CADPS: variants seen among roughly 807,000 people sequenced by gnomAD.
CADPS encodes the protein calcium-dependent secretion activator 1.
CADPS carries 57 observed loss-of-function variants against 167.3 expected under a neutral mutation model. That is an observed-to-expected ratio of 0.34 (90% confidence interval 0.28 to 0.42). CADPS has a LOEUF of 0.42. CADPS is among the 20% of genes least tolerant of loss of function. The pLI is 1.00. For synonymous variants in CADPS, 676 were observed against 635.3 expected, an observed-to-expected ratio of 1.06 and a Z score of -0.96; for missense variants, 1,414 against 1,738.1, an observed-to-expected ratio of 0.81 and a Z score of 3.32.
intron 1 of CADPS, among the ~76,000 whole-genome samples, chr3:62,804,368 G>A (rs2093958718): frequency 6.6e-6 from 1 of 152,132 alleles, no homozygotes; most frequent in Admixed American, 6.6e-5. Context: ...TTTCTCAAGA[G>A]GAAAGGCCAC....
Position 62,403,096 on chromosome 3 carries a change from T to C in CADPS, c.3867A>G (p.Leu1289=). 6.2e-7 allele frequency: 1 copy of C among 1,600,786 alleles called. No individual in the cohort carries two copies. The change falls in exon 29 of 30, where the codon CTA becomes CTG. Residue 1289 remains leucine (L), a synonymous_variant. Coordinates refer to ENST00000383710, the MANE Select transcript of CADPS (RefSeq NM_003716.4). ...TTTCTTTTACCTTTACCATCCTAAT[T>C]AGTGTTTTCAACTGATAAATATGAA... ...LQLHIYQLKT[L]IRMVKKTYRD... is the part of the protein sequence containing the mutation.
chr3:62,615,085 T>C (rs1487143101), intron 6 of CADPS, among the ~76,000 whole-genome samples: 1 of 152,142 alleles, frequency 6.6e-6, no homozygotes, highest in Non-Finnish European at 1.5e-5. Context: ...CATGTAATAG[T>C]TTAGGTGGGA....
chr3:62,531,938 T>C (rs909338679), intron 13 of CADPS, among the ~76,000 whole-genome samples: 1 of 152,202 alleles, frequency 6.6e-6, no homozygotes, highest in Non-Finnish European at 1.5e-5. Flanking sequence ...GAGTACTTAG[T>C]ACAGAGTCAG....
intron 1 of CADPS, among the ~76,000 whole-genome samples, chr3:62,773,249 A>T (rs1007713299): frequency 6.6e-6 from 1 of 152,138 alleles, no homozygotes; most frequent in Non-Finnish European, 1.5e-5. Context: ...CTGCTTTTAG[A>T]AAATTTAGAA....
At chr3:62,599,873 T>C (rs1445989959) in intron 6 of CADPS, among the ~76,000 whole-genome samples, 2 of 58,240 alleles carry the variant, frequency 3.4e-5, no homozygotes, top group East Asian at 3.6e-4. Context: ...TATATAATAA[T>C]ATATAATATA....
chr3:62,832,701 C>T (rs1411743343), intron 1 of CADPS, among the ~76,000 whole-genome samples: 18 of 152,210 alleles, frequency 1.2e-4, no homozygotes, highest in Non-Finnish European at 7.3e-5. Context: ...GATGTGAAAA[C>T]ACAAAGCTTT....
At chr3:62,406,637 A>G (rs1190241714) in intron 28 of CADPS, among the ~76,000 whole-genome samples, 1 of 152,212 alleles carries the variant, frequency 6.6e-6, no homozygotes, top group Non-Finnish European at 1.5e-5. Context: ...TATTAATTTG[A>G]AACTTGCTAA....
chr3:62,665,457 T>A (rs768267036), intron 3 of CADPS, among the ~76,000 whole-genome samples: 67 of 152,312 alleles, frequency 4.4e-4, no homozygotes, highest in Non-Finnish European at 8.7e-4. Context: ...TCTGGTAAAG[T>A]GGTACTAGTC....
Position 62,421,563 on chromosome 3 carries a change from C to T in CADPS, c.3777+16541G>A, listed in dbSNP as rs1158451673. On this transcript the variant is annotated intron_variant, in intron 28 of 29. Coordinates refer to ENST00000383710, the MANE Select transcript of CADPS (RefSeq NM_003716.4). This position sits in a 1 kb window ranked among gnomAD's most constrained non-coding sequence, Gnocchi z 4.7. ...ACCATATCCCACTTTCTATAAGGAACAACATGTTATAGACAGTAGTCTTGC... is the reference window on the plus strand; with the variant it reads ...ACCATATCCCACTTTCTATAAGGAATAACATGTTATAGACAGTAGTCTTGC... Among the ~76,000 whole-genome samples the T allele has an allele frequency of 1.3e-5, 2 of 152,218 alleles. No homozygotes were observed. The highest frequency in any genetic ancestry group is 2.9e-5 in the Non-Finnish European group (2 of 68,040).
chr3:62,810,365 A>G (rs559308988), intron 1 of CADPS, among the ~76,000 whole-genome samples: 2 of 152,334 alleles, frequency 1.3e-5, no homozygotes, highest in African/African-American at 4.8e-5. Flanking sequence ...ATGAGCACTC[A>G]AAGCATATTA....
At chr3:62,594,139 ATTTATTTTT>A (rs1339230083) in intron 6 of CADPS, among the ~76,000 whole-genome samples, 6 of 148,838 alleles carry the variant, frequency 4.0e-5, no homozygotes, top group African/African-American at 7.4e-5. Context: ...TATTTTTTTT[ATTTATTTTT>A]TTTATTTTTT....
intron 3 of CADPS, among the ~76,000 whole-genome samples, chr3:62,720,181 CATAG>C (rs71877172): frequency 0.079 from 11,997 of 152,152 alleles, 618 homozygotes; most frequent in Non-Finnish European, 0.12. Flanking sequence ...AAAAAGTAAC[CATAG>C]ATAGCAACAA....
intron 2 of CADPS, among the ~76,000 whole-genome samples, chr3:62,757,524 G>A (rs568421472): frequency 6.6e-6 from 1 of 152,172 alleles, no homozygotes; most frequent in Non-Finnish European, 1.5e-5. Flanking sequence ...AAAATATGGA[G>A]CGAGACTATG....
At chr3:62,529,117 T>C (rs1275364517) in intron 13 of CADPS, among the ~76,000 whole-genome samples, 3 of 152,162 alleles carry the variant, frequency 2.0e-5, no homozygotes, top group African/African-American at 4.8e-5. Flanking sequence ...GCTGAGATCA[T>C]GCCATTGCAC....
chr3:62,426,001 G>C (rs1373793958), intron 28 of CADPS, among the ~76,000 whole-genome samples: 1 of 152,142 alleles, frequency 6.6e-6, no homozygotes, highest in Non-Finnish European at 1.5e-5. Flanking sequence ...CGATACTGTG[G>C]CACAACTGAG....
chr3:62,505,901 T>C (rs373405468), intron 17 of CADPS, among the ~76,000 whole-genome samples: 6 of 152,172 alleles, frequency 3.9e-5, no homozygotes, highest in African/African-American at 1.4e-4. Flanking sequence ...GTGGATCCTG[T>C]CCAATGCAGT....
At chr3:62,575,534 TA>T (rs1274146685) in intron 8 of CADPS, among the ~76,000 whole-genome samples, 1 of 152,226 alleles carries the variant, frequency 6.6e-6, no homozygotes, top group Non-Finnish European at 1.5e-5. Context: ...TAGCTTAAAG[TA>T]AATACTTGCT....
chr3:62,693,594 C>A (rs564135550), intron 3 of CADPS, among the ~76,000 whole-genome samples: 1 of 151,778 alleles, frequency 6.6e-6, no homozygotes, highest in African/African-American at 2.4e-5. Context: ...CCAACCTGGG[C>A]AATATGGTGA....
chr3:62,774,864 T>A (rs2089875023), intron 1 of CADPS, among the ~76,000 whole-genome samples: 1 of 152,166 alleles, frequency 6.6e-6, no homozygotes, highest in Non-Finnish European at 1.5e-5. Context: ...AATGGGATAG[T>A]CTTCCTGATA....
Sources: gnomAD v4.1 joint callset for allele counts (sites outside exome capture counted in the v4.1 genomes callset) on GRCh38, gnomAD v4.1.1 for gene constraint, Gnocchi (gnomAD v3.1) non-coding constraint, MANE v1.5 for transcripts, NCBI Gene and HGNC (gene_info 2026-07-23, HGNC 2026-07-21) for gene names.